TMEM132B: variants seen among roughly 807,000 people sequenced by gnomAD.
TMEM132B encodes transmembrane protein 132B.
TMEM132B carries 18 observed loss-of-function variants against 90.8 expected under a neutral mutation model. The ratio of observed to expected loss-of-function variants is 0.20; its 90% CI spans 0.14 to 0.29. TMEM132B has a LOEUF of 0.29. TMEM132B is among the 10% of genes least tolerant of loss of function. The pLI, the probability that TMEM132B is intolerant of heterozygous loss-of-function variation, is 1.00. For missense variants in TMEM132B, 1,096 were observed against 1,326.8 expected (o/e 0.83, Z 2.70); for synonymous variants, 504 against 523.3 (o/e 0.96, Z 0.50).
At chr12:125,243,032 T>TATATATATACACACAC (rs1215676534) in intron 1 of TMEM132B, among the ~76,000 whole-genome samples, 1 of 135,030 alleles carries the variant, frequency 7.4e-6, no homozygotes, top group African/African-American at 2.8e-5. Flanking sequence ...TATATATATA[T>TATATATATACACACAC]ACACACACAC....
intron 1 of TMEM132B, among the ~76,000 whole-genome samples, chr12:125,197,365 A>G (rs111997574): frequency 0.039 from 5,975 of 152,262 alleles, 159 homozygotes; most frequent in African/African-American, 0.066. Context: ...TACTTCCTCC[A>G]TCAACTTCCA....
chr12:125,299,674 G>A (rs532633449), intron 1 of TMEM132B, among the ~76,000 whole-genome samples: 7 of 152,280 alleles, frequency 4.6e-5, no homozygotes, highest in South Asian at 2.1e-4. Flanking sequence ...CCTTGTCACC[G>A]CTTTTCCAGA....
chr12:125,249,985 C>G (rs144510814), intron 1 of TMEM132B, among the ~76,000 whole-genome samples: 2 of 152,342 alleles, frequency 1.3e-5, no homozygotes, highest in Non-Finnish European at 2.9e-5. Flanking sequence ...GAGGAAGACT[C>G]TGAGGCGGAG....
chr12:125,450,949 A>G (rs893360926), intron 3 of TMEM132B, among the ~76,000 whole-genome samples: 12 of 152,058 alleles, frequency 7.9e-5, no homozygotes, highest in Admixed American at 7.2e-4. Flanking sequence ...ACAAACCCCA[A>G]ATCAGGAGAG....
At chr12:125,565,701 C>T (rs1000837651) in intron 4 of TMEM132B, among the ~76,000 whole-genome samples, 1 of 152,204 alleles carries the variant, frequency 6.6e-6, no homozygotes, top group Non-Finnish European at 1.5e-5. Context: ...AGCTGAACTC[C>T]TCTCGGCACA....
At chr12:125,621,854 C>T (rs866994736) in intron 5 of TMEM132B, among the ~76,000 whole-genome samples, 28 of 152,254 alleles carry the variant, frequency 1.8e-4, no homozygotes, top group Middle Eastern at 3.4e-3. Context: ...ATCAGGATGA[C>T]GTGATCATAA....
At chr12:125,307,825 TATATATACTTATATTA>T (rs1244893003) in intron 1 of TMEM132B, among the ~76,000 whole-genome samples, 3 of 123,888 alleles carry the variant, frequency 2.4e-5, no homozygotes, top group African/African-American at 5.7e-5. Flanking sequence ...TACTTATAAG[TATATATACTTATATTA>T]ATATATACTT....
chr12:125,241,573 G>A (rs748195402), intron 1 of TMEM132B, among the ~76,000 whole-genome samples: 4 of 152,120 alleles, frequency 2.6e-5, no homozygotes, highest in African/African-American at 4.8e-5. Flanking sequence ...CTTTCTGTAC[G>A]ACAGTGGGTT....
At chr12:125,457,239 G>A (rs553950061) in intron 3 of TMEM132B, among the ~76,000 whole-genome samples, 1 of 152,230 alleles carries the variant, frequency 6.6e-6, no homozygotes, top group South Asian at 2.1e-4. Flanking sequence ...TCCTTCGCAG[G>A]GATTCCTAGT....
At chr12:125,231,203 T>C (rs945820458) in intron 1 of TMEM132B, among the ~76,000 whole-genome samples, 1 of 150,362 alleles carries the variant, frequency 6.7e-6, no homozygotes, top group Non-Finnish European at 1.5e-5. Flanking sequence ...CACGTGGCTG[T>C]CTTCCGTGTG....
chr12:125,439,056 C>T (rs147834747), intron 3 of TMEM132B, among the ~76,000 whole-genome samples: 3 of 152,098 alleles, frequency 2.0e-5, no homozygotes, highest in South Asian at 2.1e-4. Flanking sequence ...TTTTGGTTAC[C>T]GTAGCCCTGT....
chr12:125,659,991 A>G lies in TMEM132B; in HGVS notation c.*5281A>G. 6.6e-6 allele frequency: 1 copy of G among 152,488 alleles called. No individual in the cohort carries two copies. The highest frequency in any genetic ancestry group is 1.5e-5 in the Non-Finnish European group (1 of 68,162). The allele number at this position is 152,488 out of a possible 1,614,324, so 9.4% of individuals were successfully genotyped here. A position where few individuals can be genotyped will look rare whatever the true frequency, so the allele number is the denominator to read the frequency against. On this transcript the variant is annotated 3_prime_UTR_variant, in exon 9 of 9. Coordinates refer to ENST00000682704, the MANE Select transcript of TMEM132B (RefSeq NM_001366854.1). ...CATGGGAGCACTGACACAGAACTCA[A>G]CTGGTCCAGCCCTTTGGGAGGCCCA...
At chr12:125,573,758 A>G (rs1470541916) in intron 4 of TMEM132B, among the ~76,000 whole-genome samples, 1 of 152,186 alleles carries the variant, frequency 6.6e-6, no homozygotes, top group African/African-American at 2.4e-5. Flanking sequence ...TTCTGATTCA[A>G]ATGAGCACAT....
At chr12:125,377,380 AAGGTGG>A (rs1182613082) in intron 2 of TMEM132B, among the ~76,000 whole-genome samples, 3 of 152,112 alleles carry the variant, frequency 2.0e-5, no homozygotes, top group African/African-American at 7.2e-5. Context: ...GACTGGGGAG[AAGGTGG>A]AGGTGAAGTA....
chr12:125,208,624 G>T (rs572177114), intron 1 of TMEM132B, among the ~76,000 whole-genome samples: 1 of 152,206 alleles, frequency 6.6e-6, no homozygotes, highest in Non-Finnish European at 1.5e-5. Context: ...TGTCCGGACC[G>T]CATAGTGTTT....
At chr12:125,630,722 T>C (rs1441320465) in intron 5 of TMEM132B, among the ~76,000 whole-genome samples, 1 of 152,088 alleles carries the variant, frequency 6.6e-6, no homozygotes, top group Non-Finnish European at 1.5e-5. Flanking sequence ...ATATTTTTTC[T>C]GCTCCTCTTC....
At chr12:125,285,960 A>G (rs1162416831) in intron 1 of TMEM132B, among the ~76,000 whole-genome samples, 1 of 152,202 alleles carries the variant, frequency 6.6e-6, no homozygotes, top group Non-Finnish European at 1.5e-5. Context: ...CAAGGGTAAG[A>G]GAGGCAAGAG....
chr12:125,341,028 G>A (rs1303568201), intron 1 of TMEM132B, among the ~76,000 whole-genome samples: 1 of 152,224 alleles, frequency 6.6e-6, no homozygotes, highest in Non-Finnish European at 1.5e-5. Flanking sequence ...TCCAAATAGT[G>A]ACCTCATCTT....
At chr12:125,434,365 T>A (rs12422632) in intron 3 of TMEM132B, among the ~76,000 whole-genome samples, 27,486 of 152,230 alleles carry the variant, frequency 0.18, 2,806 homozygotes, top group African/African-American at 0.28. Context: ...GGGCACCGTG[T>A]TCACAGGTTC....
Sources: gnomAD v4.1 joint callset for allele counts (sites outside exome capture counted in the v4.1 genomes callset) on GRCh38, gnomAD v4.1.1 for gene constraint, MANE v1.5 for transcripts, NCBI Gene and HGNC (gene_info 2026-07-23, HGNC 2026-07-21) for gene names.